CDK15: variants seen among roughly 807,000 people sequenced by gnomAD.
CDK15 encodes cyclin dependent kinase 15, also known as cyclin-dependent kinase 15.
CDK15 carries 62 observed loss-of-function variants against 60.3 expected under a neutral mutation model. That is an observed-to-expected ratio of 1.03 (90% CI 0.84 to 1.27). The LOEUF (loss-of-function observed/expected upper bound fraction) is 1.27, where lower values mean the gene tolerates loss of function less well. Among genes scored for constraint, CDK15 ranks in the 50% most tolerant of loss-of-function variants. The pLI, the probability that CDK15 is intolerant of heterozygous loss-of-function variation, is 0.00. For synonymous variants in CDK15, 194 were observed against 195.7 expected, an observed-to-expected ratio of 0.99 and a Z score of 0.07; for missense variants, 541 against 527.8, an observed-to-expected ratio of 1.03 and a Z score of -0.25.
intron 8 of CDK15, among the ~76,000 whole-genome samples, chr2:201,837,954 A>G (rs1208316048): frequency 6.6e-6 from 1 of 152,120 alleles, no homozygotes; most frequent in African/African-American, 2.4e-5. Context: ...ATTTATAGAA[A>G]TATCATCTGC....
intron 9 of CDK15, among the ~76,000 whole-genome samples, chr2:201,852,129 A>G (rs1351079689): frequency 6.6e-6 from 1 of 152,104 alleles, no homozygotes; most frequent in East Asian, 1.9e-4. Context: ...AGTTTTATTT[A>G]TTCCCATTTG....
intron 12 of CDK15, chr2:201,888,589 C>T: frequency 1.4e-6 from 2 of 1,453,760 alleles, no homozygotes; most frequent in Non-Finnish European, 1.8e-6. Context: ...TTTTTATTTC[C>T]CTTTCTTTCT....
intron 10 of CDK15, among the ~76,000 whole-genome samples, chr2:201,864,992 C>T (rs756706888): frequency 6.6e-6 from 1 of 152,158 alleles, no homozygotes; most frequent in African/African-American, 2.4e-5. Flanking sequence ...GGGGCCAGTA[C>T]TGCAGGACTG....
chr2:201,822,664 C>A (rs188027306), intron 4 of CDK15, 145 bp from the exon 5 acceptor site: 1 of 531,424 alleles, frequency 1.9e-6, no homozygotes, highest in Non-Finnish European at 3.3e-6. Flanking sequence ...TTTAAATATT[C>A]TTTTGCCACA....
At chr2:201,860,733 A>C (rs1217031299) in intron 10 of CDK15, 3 of 1,352,024 alleles carry the variant, frequency 2.2e-6, no homozygotes, top group Admixed American at 1.9e-5. Flanking sequence ...TCAACTTCTG[A>C]CCACCAGGTG....
At position 201,836,960 on chromosome 2, in the gene CDK15, T is replaced by A. The variant is rs538925027; in HGVS notation, c.851+1197T>A. 1.6e-4 allele frequency among the ~76,000 whole-genome samples: 25 copies of A among 152,112 alleles called. No homozygotes were observed. In the Middle Eastern group the frequency reaches 0.01, roughly 62 times the overall value. On this transcript the variant is annotated intron_variant, in intron 8 of 13. Transcript: ENST00000652192. ...TTTTAAAAATGAAGGTAATAAACTC[T>A]CTCCATCTGAGTTAAATGGAATTGT...
rs775154649 is a variant in CDK15 at position 201,835,667 on chromosome 2, C to T, written c.755C>T (p.Pro252Leu). The T allele has an allele frequency of 6.2e-7, 1 of 1,609,406 alleles. No individual in the cohort carries two copies. The highest frequency in any genetic ancestry group is 8.5e-7 in the Non-Finnish European group (1 of 1,177,124). Reference protein sequence around the residue: ...DFGLARAKSIPSQTYSSEVVT... With the variant: ...DFGLARAKSILSQTYSSEVVT... Reference sequence around the variant, plus strand: ...GGTCTTGCCCGGGCCAAGTCCATTCCCAGCCAGACATACTCTTCAGAAGTC... The same window carrying T: ...GGTCTTGCCCGGGCCAAGTCCATTCTCAGCCAGACATACTCTTCAGAAGTC... The change falls in exon 8 of 14, where the codon CCC becomes CTC. Residue 252 changes from proline (P) to leucine (L), a missense_variant. Pro to Leu is a moderately conservative substitution (Grantham distance 98). Coordinates refer to ENST00000652192, the MANE Select transcript of CDK15 (RefSeq NM_001366386.2).
intron 6 of CDK15, among the ~76,000 whole-genome samples, chr2:201,832,025 C>T (rs1370106041): frequency 1.3e-5 from 2 of 152,038 alleles, no homozygotes; most frequent in South Asian, 2.1e-4. Flanking sequence ...TTCCTCTTTC[C>T]CTAGTCCTGC....
intron 8 of CDK15, among the ~76,000 whole-genome samples, chr2:201,845,158 G>GA (rs10709292): frequency 8.0e-5 from 12 of 149,694 alleles, no homozygotes; most frequent in East Asian, 2.0e-4. Flanking sequence ...CAAAAAAAAA[G>GA]AAAAAAAAAA....
Position 201,807,661 on chromosome 2 carries a change from G to A in CDK15, c.273+18G>A, listed in dbSNP as rs1695574334. On this transcript the variant is annotated intron_variant, in intron 2 of 13. Transcript: ENST00000652192. ...TTCAGTGGGTGAGTGAGCAGCTGATGTTGATCAAGAAGAATTTAATGTGAG... is the reference window on the plus strand; with the variant it reads ...TTCAGTGGGTGAGTGAGCAGCTGATATTGATCAAGAAGAATTTAATGTGAG... 1.9e-6 allele frequency: 3 copies of A among 1,613,762 alleles called. No individual in the cohort carries two copies. The highest frequency in any genetic ancestry group is 2.5e-6 in the Non-Finnish European group (3 of 1,179,832).
At chr2:201,865,166 G>T (rs1226547914) in intron 10 of CDK15, among the ~76,000 whole-genome samples, 1 of 152,200 alleles carries the variant, frequency 6.6e-6, no homozygotes, top group African/African-American at 2.4e-5. Context: ...CTCATTGGCT[G>T]CATGTGGTGG....
At chr2:201,883,630 C>T (rs1052653657) in intron 12 of CDK15, among the ~76,000 whole-genome samples, 2 of 152,194 alleles carry the variant, frequency 1.3e-5, no homozygotes, top group South Asian at 4.1e-4. Flanking sequence ...CTTATTGACT[C>T]GTGAACACCT....
intron 9 of CDK15, among the ~76,000 whole-genome samples, chr2:201,850,850 G>C (rs1297132725): frequency 6.6e-6 from 1 of 152,078 alleles, no homozygotes; most frequent in Non-Finnish European, 1.5e-5. Flanking sequence ...CATGGTCCTA[G>C]ACTTCATTTG....
intron 11 of CDK15, 84 bp downstream of exon 11, chr2:201,872,410 C>A (rs889051087): frequency 7.0e-7 from 1 of 1,435,322 alleles, no homozygotes; most frequent in East Asian, 2.3e-5. Context: ...GTCCACTGAA[C>A]AGCAGCCCCC....
At chr2:201,827,603 T>G (rs1298832454) in intron 6 of CDK15, among the ~76,000 whole-genome samples, 1 of 152,166 alleles carries the variant, frequency 6.6e-6, no homozygotes, top group African/African-American at 2.4e-5. Context: ...GGATTCCACT[T>G]AAGTGTTTGT....
chr2:201,815,867 A>C lies in CDK15; in HGVS notation c.448+3305A>C, dbSNP rs564626029. Among the ~76,000 whole-genome samples, 4 of 152,292 alleles carry C rather than the reference A, an allele frequency of 2.6e-5. No homozygotes were observed. The South Asian group carries it at 6.2e-4, about 24-fold the overall frequency. ...ACCTTTATACCAACCCTAGGAAGTA[A>C]AATGTGCTATTTTTGTTGTAGAGAT... On this transcript the variant is annotated intron_variant, in intron 4 of 13. Coordinates refer to ENST00000652192, the MANE Select transcript of CDK15 (RefSeq NM_001366386.2).
At position 201,807,519 on chromosome 2, in the gene CDK15, G is replaced by T. The variant is rs200245595; in HGVS notation, c.149G>T (p.Cys50Phe). Residue 50 changes from cysteine (C) to phenylalanine (F), a missense_variant, in exon 2 of 14, where the codon TGT becomes TTT. By Grantham distance (205) the Cys-to-Phe change is radical (BLOSUM62 -2). Coordinates refer to ENST00000652192, the MANE Select transcript of CDK15 (RefSeq NM_001366386.2). ...FKLTDLKEAS[C>F]SMTSFHPRGL... is the part of the protein sequence containing the mutation. ...CTAACAGACCTAAAAGAAGCATCAT[G>T]TTCCATGACTTCATTTCACCCCAGG... 67 of 1,614,028 alleles carry T rather than the reference G, an allele frequency of 4.2e-5. No homozygotes were observed. Among genetic ancestry groups the T allele is most frequent in the Non-Finnish European group, 5.5e-5 (65 of 1,180,022 alleles).
intron 11 of CDK15, among the ~76,000 whole-genome samples, chr2:201,879,532 A>G (rs1039630458): frequency 2.0e-4 from 31 of 152,142 alleles, no homozygotes; most frequent in Non-Finnish European, 1.0e-4. Flanking sequence ...GGTGCATGCC[A>G]CCACGCCCAG....
At chr2:201,889,531 A>T in intron 12 of CDK15, 2 of 618,934 alleles carry the variant, frequency 3.2e-6, no homozygotes, top group Non-Finnish European at 4.0e-6. Flanking sequence ...TACTTTTCAG[A>T]TAAGCCCCTT....
Sources: allele counts gnomAD v4.1 joint callset (sites outside exome capture counted in the v4.1 genomes callset), GRCh38; gene constraint gnomAD v4.1.1; transcripts MANE v1.5; gene names NCBI Gene and HGNC (gene_info 2026-07-23, HGNC 2026-07-21).